GLIPR1: variants seen among roughly 807,000 people sequenced by gnomAD.
GLIPR1 encodes GLI pathogenesis related 1.
GLIPR1 carries 38 observed loss-of-function variants against 30.3 expected under a neutral mutation model. The observed-to-expected ratio is 1.26, with a 90% CI of 0.97 to 1.65. GLIPR1 has a LOEUF of 1.65. GLIPR1 is among the 40% of genes most tolerant of loss of function. The pLI is 0.00. For missense variants in GLIPR1, 285 were observed against 326.5 expected (o/e 0.87, Z 0.98); for synonymous variants, 122 against 110.6 (o/e 1.10, Z -0.65).
In GLIPR1 at chr12:75,502,285, T is replaced by C; in HGVS notation, c.*3307T>C. The C allele has an allele frequency of 3.8e-6, 1 of 265,314 alleles. No homozygotes were observed. Among genetic ancestry groups the C allele is most frequent in the Non-Finnish European group, 7.1e-6 (1 of 141,222 alleles). 16.4% of individuals were successfully genotyped at this position (265,314 alleles called of 1,614,324 possible). A position where few individuals can be genotyped will look rare whatever the true frequency, so the allele number is the denominator to read the frequency against. Reference sequence around the variant, plus strand: ...GTGAGAAGAAACTGGAGAGAGAGTTTTGGGGAAAATTTGAAGAAGCTTCAA... The same window carrying C: ...GTGAGAAGAAACTGGAGAGAGAGTTCTGGGGAAAATTTGAAGAAGCTTCAA... On this transcript the variant is annotated 3_prime_UTR_variant, in exon 6 of 6. Transcript: ENST00000266659.
In GLIPR1 at chr12:75,499,501, G is replaced by A. The variant is rs2046375165; in HGVS notation, c.*523G>A. 5.7e-6 allele frequency: 1 copy of A among 175,830 alleles called. No homozygotes were observed. The allele number at this position is 175,830 out of a possible 1,614,324, so 10.9% of individuals were successfully genotyped here. ...AAGGGATAAACCTAAATATTTACTT[G>A]TTATCATTAGAGAGGGAACATCAAA... On this transcript the variant is annotated 3_prime_UTR_variant, in exon 6 of 6. Transcript: ENST00000266659.
rs1330207669 is a variant in GLIPR1 at position 75,500,612 on chromosome 12, G to T, written c.*1634G>T. On this transcript the variant is annotated 3_prime_UTR_variant, in exon 6 of 6. Transcript: ENST00000266659. ...ATTTTGGTAATAAAGACAATAATTT[G>T]AGAGTGTGTGGAAGTCCCCCTAATA... 1 of 151,906 alleles carries T rather than the reference G, an allele frequency of 6.6e-6. No homozygotes were observed. The highest frequency in any genetic ancestry group is 1.5e-5 in the Non-Finnish European group (1 of 67,928). 9.4% of individuals were successfully genotyped at this position (151,906 alleles called of 1,614,324 possible). A position where few individuals can be genotyped will look rare whatever the true frequency, so the allele number is the denominator to read the frequency against.
Position 75,503,743 on chromosome 12 carries a change from T to G in GLIPR1, c.*4765T>G. ...ACACCCCCATGCACTCAGCTCAAAA[T>G]ATGCCTATTTATATTTACCCTCAGT... is the stretch of plus-strand genomic sequence containing the variant. On this transcript the variant is annotated 3_prime_UTR_variant, in exon 6 of 6. Transcript: ENST00000266659. 1.7e-6 allele frequency: 1 copy of G among 580,376 alleles called. No homozygotes were observed. Among genetic ancestry groups the G allele is most frequent in the Non-Finnish European group, 2.9e-6 (1 of 349,928 alleles). The allele number at this position is 580,376 out of a possible 1,614,324, so 36.0% of individuals were successfully genotyped here.
chr12:75,483,941 A>T (rs2046282481), intron 2 of GLIPR1: 1 of 152,174 alleles, frequency 6.6e-6, no homozygotes, highest in African/African-American at 2.4e-5. Context: ...ACAAGTTAAG[A>T]CACTCCATGT....
intron 4 of GLIPR1, 169 bp from the exon 5 acceptor site, chr12:75,498,514 TAAAAATACCAA>T (rs2046366085): frequency 1.9e-6 from 1 of 539,732 alleles, no homozygotes; most frequent in African/African-American, 1.9e-5. Flanking sequence ...AAAGTCAACT[TAAAAATACCAA>T]GTTAATTCAG....
At chr12:75,494,768 A>T (rs1251089936) in intron 3 of GLIPR1, 1 of 152,196 alleles carries the variant, frequency 6.6e-6, no homozygotes, top group Non-Finnish European at 1.5e-5. Context: ...CCCCATTACT[A>T]CTATGAGGAT....
intron 2 of GLIPR1, among the ~76,000 whole-genome samples, chr12:75,488,559 C>T (rs1429764069): frequency 6.6e-6 from 1 of 152,080 alleles, no homozygotes; most frequent in Admixed American, 6.6e-5. Flanking sequence ...AACAAAAAAA[C>T]AAAACCACAA....
intron 2 of GLIPR1, 83 bp from the exon 3 acceptor site, chr12:75,490,323 C>A (rs2046314579): frequency 1.3e-6 from 1 of 766,108 alleles, no homozygotes; most frequent in South Asian, 1.6e-5. Context: ...GAGTGGTATA[C>A]CTCACCATGT....
At chr12:75,482,103 T>C (rs760642847) in intron 2 of GLIPR1, 24 bp downstream of exon 2, 109 of 1,601,912 alleles carry the variant, frequency 6.8e-5, no homozygotes, top group Non-Finnish European at 9.1e-5. Flanking sequence ...CTATATTATC[T>C]TGAAACTGTC....
chr12:75,494,402 A>G (rs1385275547), intron 3 of GLIPR1: 1 of 152,210 alleles, frequency 6.6e-6, no homozygotes, highest in Non-Finnish European at 1.5e-5. Flanking sequence ...ATCTTTGTAA[A>G]TATCAGATAT....
Position 75,503,614 on chromosome 12 carries a change from A to G in GLIPR1, c.*4636A>G, listed in dbSNP as rs1257352233. 8.9e-6 allele frequency: 2 copies of G among 224,974 alleles called. No homozygotes were observed. The highest frequency in any genetic ancestry group is 1.7e-5 in the Non-Finnish European group (2 of 115,240). 13.9% of individuals were successfully genotyped at this position (224,974 alleles called of 1,614,324 possible). A position where few individuals can be genotyped will look rare whatever the true frequency, so the allele number is the denominator to read the frequency against. On this transcript the variant is annotated 3_prime_UTR_variant, in exon 6 of 6. Transcript: ENST00000266659. ...ATAATGTTGCCAAATCAGAGAAAAG[A>G]GTATTGCAGACTAAACGAACTTTTA...
intron 3 of GLIPR1, chr12:75,493,143 TCATGACAA>T (rs2046332710): frequency 6.6e-6 from 1 of 152,056 alleles, no homozygotes; most frequent in Non-Finnish European, 1.5e-5. Flanking sequence ...AACTTTTAGA[TCATGACAA>T]AGTTTACATA....
rs1034792311 is a variant in GLIPR1 at position 75,498,817 on chromosome 12, T to G, written c.647-7T>G. On this transcript the variant is annotated splice_region_variant and splice_polypyrimidine_tract_variant and intron_variant, in intron 5 of 5. Coordinates refer to ENST00000266659, the MANE Select transcript of GLIPR1 (RefSeq NM_006851.3). ...GTCTAAGAGGATATTCTATGTTTGT[T>G]TCACAGGTTACTACTCTGTTGTATA... 3 of 1,612,112 alleles carry G rather than the reference T, an allele frequency of 1.9e-6. No homozygotes were observed. In the African/African-American group the frequency reaches 4.0e-5, roughly 22 times the overall value.
In GLIPR1 at chr12:75,495,734, G is replaced by A. The variant is rs1039303479; in HGVS notation, c.619+72G>A. ...TGTAACTTTCTACAGAATTAACAATGAAACCATGTTTTATCTTAACGGCTA... is the reference window on the plus strand; with the variant it reads ...TGTAACTTTCTACAGAATTAACAATAAAACCATGTTTTATCTTAACGGCTA... On this transcript the variant is annotated intron_variant, in intron 4 of 5. Transcript: ENST00000266659. 4.4e-6 allele frequency: 4 copies of A among 906,896 alleles called. No individual in the cohort carries two copies. The African/African-American group carries it at 4.9e-5, about 11-fold the overall frequency. 56.2% of individuals were successfully genotyped at this position (906,896 alleles called of 1,614,324 possible). A position where few individuals can be genotyped will look rare whatever the true frequency, so the allele number is the denominator to read the frequency against.
chr12:75,502,306 T>A lies in GLIPR1; in HGVS notation c.*3328T>A, dbSNP rs1422678465. ...AGTTTTGGGGAAAATTTGAAGAAGCTTCAATGGCAGACAAAGTAGGAGGGA... is the reference window on the plus strand; with the variant it reads ...AGTTTTGGGGAAAATTTGAAGAAGCATCAATGGCAGACAAAGTAGGAGGGA... On this transcript the variant is annotated 3_prime_UTR_variant, in exon 6 of 6. Transcript: ENST00000266659. The A allele has an allele frequency of 2.1e-5, 5 of 239,534 alleles. No individual in the cohort carries two copies. In the East Asian group the frequency reaches 3.6e-4, roughly 17 times the overall value. 14.8% of individuals were successfully genotyped at this position (239,534 alleles called of 1,614,324 possible). A position where few individuals can be genotyped will look rare whatever the true frequency, so the allele number is the denominator to read the frequency against.
Position 75,500,013 on chromosome 12 carries a change from T to TATATGTTTAACAAA in GLIPR1, c.*1036_*1049dup. On this transcript the variant is annotated 3_prime_UTR_variant, in exon 6 of 6. Coordinates refer to ENST00000266659, the MANE Select transcript of GLIPR1 (RefSeq NM_006851.3). ...AGATTTTACCAAGTAAAACAAAGAATATATGTTTAACAAAGAATATATGTT... is the reference window on the plus strand; with the variant it reads ...AGATTTTACCAAGTAAAACAAAGAATATATGTTTAACAAAATATGTTTAACAAAGAATATATGTT... 7.6e-7 allele frequency: 1 copy of TATATGTTTAACAAA among 1,318,352 alleles called. No homozygotes were observed. The highest frequency in any genetic ancestry group is 1.0e-6 in the Non-Finnish European group (1 of 957,160). 81.7% of individuals were successfully genotyped at this position (1,318,352 alleles called of 1,614,324 possible).
At chr12:75,497,356 A>C (rs1187140834) in intron 4 of GLIPR1, 1 of 152,174 alleles carries the variant, frequency 6.6e-6, no homozygotes, top group Non-Finnish European at 1.5e-5. Context: ...GTAGTCCAAT[A>C]ATGAAAACCC....
rs74986206 is a variant in GLIPR1 at position 75,499,257 on chromosome 12, T to C, written c.*279T>C. The stretch of plus-strand genomic sequence containing the variant: ...AATCTGCAAAATGAGCAAGGTACAG[T>C]AGCACATTTTTAGGTGATTCTTAGT... On this transcript the variant is annotated 3_prime_UTR_variant, in exon 6 of 6. Coordinates refer to ENST00000266659, the MANE Select transcript of GLIPR1 (RefSeq NM_006851.3). 1,725 of 242,292 alleles carry C rather than the reference T, an allele frequency of 7.1e-3. 32 individuals are homozygous for C. Among genetic ancestry groups the C allele is most frequent in the African/African-American group, 0.036 (1,614 of 44,802 alleles). 15.0% of individuals were successfully genotyped at this position (242,292 alleles called of 1,614,324 possible). A position where few individuals can be genotyped will look rare whatever the true frequency, so the allele number is the denominator to read the frequency against.
In GLIPR1 at chr12:75,490,227, ACACACACC is replaced by A. The variant is rs900486822; in HGVS notation, c.421-177_421-170del. Reference sequence around the variant, plus strand: ...CACACACACACACACACACACACACACACACACCCCAATAATGGTAACTACAGGTCTAT... The same window carrying A: ...CACACACACACACACACACACACACACCAATAATGGTAACTACAGGTCTAT... On this transcript the variant is annotated intron_variant, in intron 2 of 5. Coordinates refer to ENST00000266659, the MANE Select transcript of GLIPR1 (RefSeq NM_006851.3). Among the ~76,000 whole-genome samples the A allele has an allele frequency of 2.5e-4, 33 of 133,356 alleles. No individual in the cohort carries two copies. In the East Asian group the frequency reaches 4.9e-3, roughly 20 times the overall value. 87.5% of individuals were successfully genotyped at this position (133,356 alleles called of 152,430 possible). A position where few individuals can be genotyped will look rare whatever the true frequency, so the allele number is the denominator to read the frequency against.
Sources: allele counts gnomAD v4.1 joint callset (sites outside exome capture counted in the v4.1 genomes callset), GRCh38; gene constraint gnomAD v4.1.1; transcripts MANE v1.5; gene names NCBI Gene and HGNC (gene_info 2026-07-23, HGNC 2026-07-21).